The following LRFN2 variants were observed in gnomAD, a reference collection of about 807,000 sequenced individuals.
LRFN2 encodes leucine rich repeat and fibronectin type III domain containing 2.
In LRFN2, 18 loss-of-function variants were observed where a neutral mutation model predicts 37.3. The ratio of observed to expected loss-of-function variants is 0.48; its 90% CI spans 0.33 to 0.72. LRFN2 has a LOEUF of 0.72. Among genes scored for constraint, LRFN2 ranks in the 30% least tolerant of loss-of-function variants. LRFN2 has a pLI of 0.02. For missense variants in LRFN2, 1,006 were observed against 1,060.7 expected, an observed-to-expected ratio of 0.95 and a Z score of 0.72; for synonymous variants, 556 against 466.6, an observed-to-expected ratio of 1.19 and a Z score of -2.47.
intron 2 of LRFN2, among the ~76,000 whole-genome samples, chr6:40,418,753 A>G (rs952964541): frequency 2.6e-5 from 4 of 152,174 alleles, no homozygotes; most frequent in Non-Finnish European, 5.9e-5. Context: ...TCAAGTGGCA[A>G]TCATGGATCA....
In LRFN2 at chr6:40,509,035, G is replaced by A. The variant is rs1240868494; in HGVS notation, c.-18-75904C>T. ...GGCCTATCCTCCTTCCACCTGTGAG[G>A]TCTGCACTAGAGATGTGTGGGGAGG... On this transcript the variant is annotated intron_variant, in intron 1 of 2. Coordinates refer to ENST00000338305, the MANE Select transcript of LRFN2 (RefSeq NM_020737.3). Among the ~76,000 whole-genome samples, 9 of 152,172 alleles carry A rather than the reference G, an allele frequency of 5.9e-5. 1 individual carries two copies. The South Asian group carries it at 6.2e-4, about 11-fold the overall frequency.
At chr6:40,427,989 C>T (rs1763392859) in intron 2 of LRFN2, among the ~76,000 whole-genome samples, 1 of 152,234 alleles carries the variant, frequency 6.6e-6, no homozygotes, top group African/African-American at 2.4e-5. Context: ...AACATACAGG[C>T]TGCCTGCATT....
intron 1 of LRFN2, among the ~76,000 whole-genome samples, chr6:40,525,232 G>A (rs1041983253): frequency 2.0e-5 from 3 of 152,178 alleles, no homozygotes; most frequent in African/African-American, 4.8e-5. Context: ...TCCCTTGCTC[G>A]CCCCTGGCTG....
chr6:40,394,495 A>G (rs981730602), intron 2 of LRFN2, among the ~76,000 whole-genome samples: 5 of 152,110 alleles, frequency 3.3e-5, no homozygotes, highest in African/African-American at 1.2e-4. Context: ...GAAAACTTCC[A>G]CCTGGGATCC....
At chr6:40,470,064 G>A (rs1161769247) in intron 1 of LRFN2, among the ~76,000 whole-genome samples, 3 of 152,148 alleles carry the variant, frequency 2.0e-5, no homozygotes, top group Non-Finnish European at 2.9e-5. Context: ...CATCACATTG[G>A]GTGATCATGG....
Position 40,392,280 on chromosome 6 carries a change from G to C in LRFN2, c.2033C>G (p.Thr678Ser). The C allele has an allele frequency of 6.2e-7, 1 of 1,604,892 alleles. No homozygotes were observed. The highest frequency in any genetic ancestry group is 8.5e-7 in the Non-Finnish European group (1 of 1,176,462). Residue 678 changes from threonine to serine, a missense_variant, in exon 3 of 3, where the codon ACT (threonine) becomes AGT (serine). Physicochemically the swap from Thr to Ser is moderately conservative, Grantham distance 58. Transcript: ENST00000338305. The surrounding 1 kb of genome is among the most constrained non-coding windows in gnomAD (Gnocchi z 4.7). ...CGTCCCAGCCCCTCTCCCGGCTGGA[G>C]TCCTGGAGTCCAGCAGCTCCTCCTT... ...QRKEELLDSR[T>S]PAGRGAGTSA... is the part of the protein sequence containing the mutation.
intron 1 of LRFN2, among the ~76,000 whole-genome samples, chr6:40,457,637 TA>T (rs70984171): frequency 0.079 from 8,029 of 101,372 alleles, 299 homozygotes; most frequent in East Asian, 0.16. Context: ...AGACCCTGTT[TA>T]AAAAAAAAAA....
At chr6:40,510,824 C>T (rs186978437) in intron 1 of LRFN2, among the ~76,000 whole-genome samples, 2 of 152,136 alleles carry the variant, frequency 1.3e-5, no homozygotes, top group East Asian at 1.9e-4. Context: ...GTGAGGATGA[C>T]GGGGTTCTCG....
At chr6:40,506,566 G>A (rs908563172) in intron 1 of LRFN2, among the ~76,000 whole-genome samples, 1 of 152,096 alleles carries the variant, frequency 6.6e-6, no homozygotes, top group African/African-American at 2.4e-5. Context: ...CATGAGGAAG[G>A]TGCATTCATC....
Position 40,431,844 on chromosome 6 carries a change from GTTCC to G in LRFN2, c.1266_1269del (p.Glu423GlyfsTer8). 1 of 1,582,850 alleles carries G rather than the reference GTTCC, an allele frequency of 6.3e-7. No individual in the cohort carries two copies. Among genetic ancestry groups the G allele is most frequent in the Non-Finnish European group, 8.6e-7 (1 of 1,162,910 alleles). ...GTCACTTCAGACACAAGCACAGCCC[GTTCC>G]GGGGGGCTTTTGGGAGGCTCTCCGC... is the stretch of plus-strand genomic sequence containing the variant. On this transcript the variant is annotated frameshift_variant, in exon 2 of 3. Transcript: ENST00000338305. LOFTEE classifies it high-confidence loss of function.
intron 1 of LRFN2, among the ~76,000 whole-genome samples, chr6:40,563,419 G>A (rs78561656): frequency 0.017 from 2,641 of 152,272 alleles, 65 homozygotes; most frequent in African/African-American, 0.058. Context: ...GAAAGGCACA[G>A]GGAGCAGCAG....
intron 1 of LRFN2, among the ~76,000 whole-genome samples, chr6:40,566,464 G>A (rs940696055): frequency 2.0e-5 from 3 of 152,188 alleles, no homozygotes; most frequent in African/African-American, 7.2e-5. Flanking sequence ...ATTCACAATA[G>A]CAAAGACTTG....
intron 1 of LRFN2, among the ~76,000 whole-genome samples, chr6:40,517,710 A>G (rs1765924297): frequency 6.6e-6 from 1 of 152,088 alleles, no homozygotes; most frequent in East Asian, 1.9e-4. Flanking sequence ...TGCAAAGCCT[A>G]ATTAGGGGGG....
At chr6:40,455,595 C>T (rs1326902347) in intron 1 of LRFN2, among the ~76,000 whole-genome samples, 1 of 152,184 alleles carries the variant, frequency 6.6e-6, no homozygotes, top group Non-Finnish European at 1.5e-5. Flanking sequence ...GCAATTATCC[C>T]AGCTTTATTC....
chr6:40,393,630 A>G (rs186477358), intron 2 of LRFN2, among the ~76,000 whole-genome samples: 2 of 152,164 alleles, frequency 1.3e-5, no homozygotes, highest in African/African-American at 4.8e-5. Context: ...GCCTGCTACA[A>G]GTATTCCCTC....
intron 1 of LRFN2, among the ~76,000 whole-genome samples, chr6:40,464,827 C>G (rs932550114): frequency 3.3e-5 from 5 of 152,116 alleles, no homozygotes; most frequent in African/African-American, 1.2e-4. Context: ...AGTACCCCAG[C>G]CTTCTCACCC....
intron 1 of LRFN2, among the ~76,000 whole-genome samples, chr6:40,564,503 G>A (rs975421391): frequency 1.3e-5 from 2 of 152,092 alleles, no homozygotes; most frequent in African/African-American, 4.8e-5. Flanking sequence ...TGGGATCAAG[G>A]TGTCATCTAA....
chr6:40,510,174 A>T (rs1426440146), intron 1 of LRFN2, among the ~76,000 whole-genome samples: 1 of 151,916 alleles, frequency 6.6e-6, no homozygotes, highest in East Asian at 1.9e-4. Flanking sequence ...GGGTGGGTGC[A>T]TGCATGTGGG....
intron 1 of LRFN2, among the ~76,000 whole-genome samples, chr6:40,451,209 G>C (rs1212329154): frequency 6.6e-6 from 1 of 152,180 alleles, no homozygotes; most frequent in Admixed American, 6.5e-5. Flanking sequence ...GCATTTTTCT[G>C]TAAAGAGTGC....
Sources: allele counts gnomAD v4.1 joint callset (sites outside exome capture counted in the v4.1 genomes callset), GRCh38; gene constraint gnomAD v4.1.1; non-coding constraint Gnocchi (gnomAD v3.1); transcripts MANE v1.5; gene names NCBI Gene and HGNC (gene_info 2026-07-23, HGNC 2026-07-21).